The following ADAMTSL1 variants were observed in gnomAD, a reference collection of about 807,000 sequenced individuals.
The protein encoded by ADAMTSL1 is ADAMTS like 1.
Under a neutral mutation model 201.8 loss-of-function variants are expected in ADAMTSL1, and 126 were observed. The ratio of observed to expected loss-of-function variants is 0.62; its 90% confidence interval spans 0.54 to 0.72. The LOEUF (loss-of-function observed/expected upper bound fraction) is 0.72, where lower values mean the gene tolerates loss of function less well. ADAMTSL1 is among the 30% of genes least tolerant of loss of function. The pLI, the probability that ADAMTSL1 is intolerant of heterozygous loss-of-function variation, is 0.00. For synonymous variants in ADAMTSL1, 1,121 were observed against 903.4 expected (o/e 1.24, Z -4.32); for missense variants, 2,679 against 2,277.8 (o/e 1.18, Z -3.59).
intron 1 of ADAMTSL1, among the ~76,000 whole-genome samples, chr9:18,499,332 TA>T (rs1325571470): frequency 6.6e-6 from 1 of 152,246 alleles, no homozygotes; most frequent in East Asian, 1.9e-4. Flanking sequence ...AGTTACTGCT[TA>T]ATGTCTGTGA....
intron 2 of ADAMTSL1, among the ~76,000 whole-genome samples, chr9:18,332,843 T>C (rs1835087741): frequency 6.6e-6 from 1 of 152,086 alleles, no homozygotes; most frequent in Non-Finnish European, 1.5e-5. Flanking sequence ...GAAAAGAGCA[T>C]AAGGTTGGGA....
intron 2 of ADAMTSL1, among the ~76,000 whole-genome samples, chr9:18,430,911 A>G (rs1049423646): frequency 3.3e-5 from 5 of 152,218 alleles, no homozygotes; most frequent in African/African-American, 1.2e-4. Context: ...TTAGCCATAA[A>G]TGATCTGTAC....
intron 2 of ADAMTSL1, among the ~76,000 whole-genome samples, chr9:18,350,675 A>G (rs1477742473): frequency 6.6e-6 from 1 of 152,142 alleles, no homozygotes; most frequent in African/African-American, 2.4e-5. Context: ...ACTGGAAATC[A>G]TCACAAAATG....
chr9:18,778,694 G>A (rs72690544), intron 19 of ADAMTSL1, among the ~76,000 whole-genome samples: 7,241 of 152,298 alleles, frequency 0.048, 249 homozygotes, highest in South Asian at 0.072. Flanking sequence ...CCAGGCAAAT[G>A]TAAACTCTTT....
chr9:18,647,055 C>G (rs1827861226), intron 7 of ADAMTSL1, among the ~76,000 whole-genome samples: 1 of 152,006 alleles, frequency 6.6e-6, no homozygotes, highest in Non-Finnish European at 1.5e-5. Context: ...TGATTATTGC[C>G]ACAATTTCAG....
intron 2 of ADAMTSL1, among the ~76,000 whole-genome samples, chr9:18,358,155 A>G (rs866507871): frequency 1.3e-5 from 2 of 152,206 alleles, no homozygotes; most frequent in African/African-American, 4.8e-5. Flanking sequence ...GTATATACTT[A>G]CAGTTGTGAA....
intron 1 of ADAMTSL1, among the ~76,000 whole-genome samples, chr9:18,120,869 T>C (rs1307094137): frequency 6.6e-6 from 1 of 152,184 alleles, no homozygotes; most frequent in Non-Finnish European, 1.5e-5. Context: ...TTACCTATTA[T>C]TAATACATTA....
chr9:18,382,599 T>C (rs1308660411), intron 2 of ADAMTSL1, among the ~76,000 whole-genome samples: 1 of 152,064 alleles, frequency 6.6e-6, no homozygotes, highest in Non-Finnish European at 1.5e-5. Context: ...GAAATATCAG[T>C]ATCTCCAGAG....
At chr9:18,418,142 A>T (rs914465299) in intron 2 of ADAMTSL1, among the ~76,000 whole-genome samples, 4 of 152,228 alleles carry the variant, frequency 2.6e-5, no homozygotes, top group African/African-American at 9.6e-5. Flanking sequence ...AAAACTCAAT[A>T]TTTATTCATG....
intron 2 of ADAMTSL1, among the ~76,000 whole-genome samples, chr9:18,235,072 T>C (rs1299494173): frequency 6.6e-6 from 1 of 152,188 alleles, no homozygotes; most frequent in Non-Finnish European, 1.5e-5. Flanking sequence ...AATGTTTTTC[T>C]GATTTCATTT....
At chr9:18,672,030 C>T (rs1829848628) in intron 9 of ADAMTSL1, among the ~76,000 whole-genome samples, 1 of 151,834 alleles carries the variant, frequency 6.6e-6, no homozygotes, top group Non-Finnish European at 1.5e-5. Context: ...GAGTGAGACT[C>T]CATCTCAAAA....
intron 1 of ADAMTSL1, among the ~76,000 whole-genome samples, chr9:18,107,613 G>T (rs149435446): frequency 1.3e-5 from 2 of 152,212 alleles, no homozygotes; most frequent in African/African-American, 4.8e-5. Flanking sequence ...GGGAGAAAAA[G>T]AAATAGTTTA....
chr9:18,052,707 A>G (rs1459331659), intron 1 of ADAMTSL1, among the ~76,000 whole-genome samples: 1 of 152,122 alleles, frequency 6.6e-6, no homozygotes, highest in Non-Finnish European at 1.5e-5. Flanking sequence ...AAACAGCATC[A>G]TCATCATTCT....
At chr9:18,418,562 T>A (rs1818796333) in intron 2 of ADAMTSL1, among the ~76,000 whole-genome samples, 1 of 152,130 alleles carries the variant, frequency 6.6e-6, no homozygotes, top group Non-Finnish European at 1.5e-5. Context: ...GTATTTCAAT[T>A]GGTAAATGAA....
intron 23 of ADAMTSL1, among the ~76,000 whole-genome samples, chr9:18,853,918 T>TGTGC (rs139332733): frequency 0.024 from 3,494 of 145,422 alleles, 53 homozygotes; most frequent in African/African-American, 0.027. Context: ...TGTGTGTGTG[T>TGTGC]GCGCGTGCAT....
chr9:18,252,472 A>G (rs1017881008), intron 2 of ADAMTSL1, among the ~76,000 whole-genome samples: 3 of 152,210 alleles, frequency 2.0e-5, no homozygotes, highest in African/African-American at 7.2e-5. Context: ...ATTTGCATAA[A>G]TCTACACATA....
At chr9:18,762,365 A>AAATT (rs1263063371) in intron 16 of ADAMTSL1, among the ~76,000 whole-genome samples, 4 of 152,150 alleles carry the variant, frequency 2.6e-5, no homozygotes, top group Non-Finnish European at 5.9e-5. Context: ...TACCTATTTT[A>AAATT]AATTAATTCT....
At chr9:18,243,495 C>A (rs55924836) in intron 2 of ADAMTSL1, among the ~76,000 whole-genome samples, 24,889 of 151,820 alleles carry the variant, frequency 0.16, 2,445 homozygotes, top group African/African-American at 0.26. Context: ...TTTGAAATAA[C>A]GAATGTCTTT....
At chr9:18,051,671 T>TA (rs1821947833) in intron 1 of ADAMTSL1, among the ~76,000 whole-genome samples, 1 of 152,188 alleles carries the variant, frequency 6.6e-6, no homozygotes, top group African/African-American at 2.4e-5. Context: ...TTATCAGTCT[T>TA]ACTCATGGCA....
Sources: gnomAD v4.1 joint callset for allele counts (sites outside exome capture counted in the v4.1 genomes callset) on GRCh38, gnomAD v4.1.1 for gene constraint, MANE v1.5 for transcripts, NCBI Gene and HGNC (gene_info 2026-07-23, HGNC 2026-07-21) for gene names.